Variants in UNC13C observed in about 807,000 individuals in gnomAD.
The protein encoded by UNC13C is unc-13 homolog C.
In UNC13C, 174 loss-of-function variants were observed where a neutral mutation model predicts 245.4. The observed-to-expected ratio is 0.71, with a 90% confidence interval of 0.63 to 0.80. The LOEUF is 0.80. Among genes scored for constraint, UNC13C ranks in the 30% least tolerant of loss-of-function variants. UNC13C has a pLI of 0.00. For missense variants in UNC13C, 2,829 were observed against 2,602.9 expected, an observed-to-expected ratio of 1.09 and a Z score of -1.89; for synonymous variants, 992 against 895.1, an observed-to-expected ratio of 1.11 and a Z score of -1.93.
chr15:54,628,652 A>G (rs9920150), downstream of UNC13C: 13,604 of 152,588 alleles, frequency 0.089, 643 homozygotes, highest in Middle Eastern at 0.11. Context: ...ATGCAATATC[A>G]TCTCATTTAG....
At chr15:54,377,660 T>C (rs747706221) in intron 17 of UNC13C, among the ~76,000 whole-genome samples, 2 of 152,210 alleles carry the variant, frequency 1.3e-5, no homozygotes, top group Non-Finnish European at 2.9e-5. Flanking sequence ...CTAGCAGATT[T>C]GGTGTCTGCT....
chr15:54,506,326 A>G (rs1033377417), intron 22 of UNC13C, among the ~76,000 whole-genome samples: 4 of 152,202 alleles, frequency 2.6e-5, no homozygotes, highest in Non-Finnish European at 4.4e-5. Flanking sequence ...GTACAAACGA[A>G]TAAGTATTTC....
At chr15:54,252,967 T>G (rs1321773379) in intron 8 of UNC13C, among the ~76,000 whole-genome samples, 1 of 152,196 alleles carries the variant, frequency 6.6e-6, no homozygotes, top group African/African-American at 2.4e-5. Context: ...TTACTTCTGG[T>G]GAAAATATTT....
intron 2 of UNC13C, among the ~76,000 whole-genome samples, chr15:54,036,209 C>T (rs774106949): frequency 1.3e-5 from 2 of 152,140 alleles, no homozygotes; most frequent in East Asian, 3.9e-4. Flanking sequence ...TTCCCTGGCA[C>T]CCTAATATGC....
At position 54,444,536 on chromosome 15, in the gene UNC13C, A is replaced by T. The variant is rs77458313; in HGVS notation, c.4933+29469A>T. ...TAATTTATTTCAATTCAAGGTTATC[A>T]TTGATATATGAGATTTTGTTCCTGG... On this transcript the variant is annotated intron_variant, in intron 19 of 32. Coordinates refer to ENST00000260323, the MANE Select transcript of UNC13C (RefSeq NM_001080534.3). 2.7e-3 allele frequency among the ~76,000 whole-genome samples: 411 copies of T among 151,804 alleles called. 3 individuals are homozygous for T. Among genetic ancestry groups the T allele is most frequent in the African/African-American group, 8.8e-3 (366 of 41,514 alleles).
At chr15:54,331,670 A>G (rs1398063000) in intron 14 of UNC13C, among the ~76,000 whole-genome samples, 1 of 152,130 alleles carries the variant, frequency 6.6e-6, no homozygotes, top group African/African-American at 2.4e-5. Flanking sequence ...AAAAAGAAGA[A>G]TGGGTTGCAT....
chr15:54,110,801 G>A (rs1010218070), intron 2 of UNC13C, among the ~76,000 whole-genome samples: 28 of 152,180 alleles, frequency 1.8e-4, no homozygotes, highest in African/African-American at 6.5e-4. Flanking sequence ...GGCCTCATAA[G>A]TGACCCTTAA....
At chr15:54,442,556 C>T (rs1184072376) in intron 19 of UNC13C, among the ~76,000 whole-genome samples, 1 of 152,036 alleles carries the variant, frequency 6.6e-6, no homozygotes, top group Non-Finnish European at 1.5e-5. Context: ...CAGACTTCCT[C>T]ACCCAGTATG....
intron 13 of UNC13C, among the ~76,000 whole-genome samples, chr15:54,312,081 A>G (rs1293512606): frequency 6.6e-6 from 1 of 151,868 alleles, no homozygotes; most frequent in East Asian, 1.9e-4. Flanking sequence ...AAAATATACA[A>G]TGTACATTTT....
chr15:54,165,623 A>G (rs974375967), intron 4 of UNC13C, among the ~76,000 whole-genome samples: 1 of 152,078 alleles, frequency 6.6e-6, no homozygotes, highest in African/African-American at 2.4e-5. Flanking sequence ...ATAGAATAAT[A>G]TAACATAATT....
intron 19 of UNC13C, among the ~76,000 whole-genome samples, chr15:54,440,537 C>T (rs1890464432): frequency 6.6e-6 from 1 of 151,848 alleles, no homozygotes; most frequent in Admixed American, 6.6e-5. Context: ...AATACCACAC[C>T]ATCTTTATCC....
At chr15:54,120,936 T>C (rs1489076409) in intron 2 of UNC13C, among the ~76,000 whole-genome samples, 1 of 152,158 alleles carries the variant, frequency 6.6e-6, no homozygotes, top group Non-Finnish European at 1.5e-5. Context: ...TTGCTTCTTA[T>C]GGATGAGCAA....
chr15:54,335,951 T>C (rs1201758586), intron 16 of UNC13C, among the ~76,000 whole-genome samples: 1 of 152,132 alleles, frequency 6.6e-6, no homozygotes, highest in Non-Finnish European at 1.5e-5. Flanking sequence ...ATGTTATGTA[T>C]GTATGTATGT....
chr15:53,979,967 G>A (rs1465281484), intron 1 of UNC13C, among the ~76,000 whole-genome samples: 1 of 152,102 alleles, frequency 6.6e-6, no homozygotes, highest in Non-Finnish European at 1.5e-5. Context: ...GGAGAAACGA[G>A]AATGAGAAAG....
chr15:54,352,044 A>T (rs1469071167), intron 17 of UNC13C, among the ~76,000 whole-genome samples: 3 of 151,836 alleles, frequency 2.0e-5, no homozygotes, highest in African/African-American at 7.2e-5. Context: ...ATAGAATTAA[A>T]GTTAAAATAT....
chr15:54,427,365 C>T (rs967627443), intron 19 of UNC13C, among the ~76,000 whole-genome samples: 13 of 150,246 alleles, frequency 8.7e-5, no homozygotes, highest in African/African-American at 3.3e-4. Flanking sequence ...TTGCTTCCAC[C>T]ATGTAAGAAG....
At chr15:54,170,096 A>G (rs1251861717) in intron 4 of UNC13C, among the ~76,000 whole-genome samples, 2 of 151,482 alleles carry the variant, frequency 1.3e-5, no homozygotes, top group African/African-American at 2.4e-5. Context: ...ATTGAATGCT[A>G]TCAAAATGGG....
chr15:54,552,814 A>ATT (rs1896875187), intron 28 of UNC13C, among the ~76,000 whole-genome samples: 1 of 23,686 alleles, frequency 4.2e-5, no homozygotes, highest in Non-Finnish European at 8.2e-5. Flanking sequence ...AGTACAATAT[A>ATT]ATATAATATA....
At chr15:54,451,360 T>C (rs946958248) in intron 19 of UNC13C, among the ~76,000 whole-genome samples, 1 of 152,162 alleles carries the variant, frequency 6.6e-6, no homozygotes, top group African/African-American at 2.4e-5. Context: ...TAATATTTTG[T>C]TAAATAGGTT....
Sources: gnomAD v4.1 joint callset for allele counts (sites outside exome capture counted in the v4.1 genomes callset) on GRCh38, gnomAD v4.1.1 for gene constraint, MANE v1.5 for transcripts, NCBI Gene and HGNC (gene_info 2026-07-23, HGNC 2026-07-21) for gene names.